WDR88: variants seen among roughly 807,000 people sequenced by gnomAD.
WDR88 encodes the protein WD repeat domain 88.
A neutral mutation model predicts 46.8 loss-of-function variants in WDR88; 40 were observed. That is an observed-to-expected ratio of 0.86 (90% CI 0.66 to 1.11). The LOEUF (loss-of-function observed/expected upper bound fraction) is 1.11, where lower values mean the gene tolerates loss of function less well. Ranked by LOEUF, WDR88 falls within the 50% of genes most tolerant of loss-of-function variation. WDR88 has a pLI of 0.00. For synonymous variants in WDR88, 235 were observed against 240.7 expected (o/e 0.98, Z 0.22); for missense variants, 562 against 602.4 (o/e 0.93, Z 0.70).
chr19:33,132,922 G>A (rs1487871656), intron 1 of WDR88, among the ~76,000 whole-genome samples: 1 of 152,130 alleles, frequency 6.6e-6, no homozygotes, highest in Non-Finnish European at 1.5e-5. Context: ...CCCTTTGGGA[G>A]GCCCAGGTGG....
In WDR88 at chr19:33,157,180, G is replaced by C. The variant is rs143193839; in HGVS notation, c.997+638G>C. On this transcript the variant is annotated intron_variant, in intron 7 of 10. Coordinates refer to ENST00000355868, the MANE Select transcript of WDR88 (RefSeq NM_173479.4). ...CTACTGCACTCCAGCCTGGGCAACAGAGTGAGACCCTGTGTCTAAAAAGAA... is the reference window on the plus strand; with the variant it reads ...CTACTGCACTCCAGCCTGGGCAACACAGTGAGACCCTGTGTCTAAAAAGAA... Among the ~76,000 whole-genome samples the C allele has an allele frequency of 4.7e-3, 715 of 151,412 alleles. 9 individuals are homozygous for C. The highest frequency in any genetic ancestry group is 0.016 in the African/African-American group (669 of 41,276).
intron 6 of WDR88, among the ~76,000 whole-genome samples, chr19:33,154,038 G>A (rs1346741832): frequency 6.6e-6 from 1 of 152,018 alleles, no homozygotes. Context: ...TACTTTTAAA[G>A]TTGACTCCAT....
At chr19:33,134,635 C>T (rs189370669) in intron 1 of WDR88, among the ~76,000 whole-genome samples, 1 of 152,038 alleles carries the variant, frequency 6.6e-6, no homozygotes, top group South Asian at 2.1e-4. Flanking sequence ...GGGACTGGGG[C>T]CGCTCCTGGG....
At chr19:33,133,969 C>T (rs1329318760) in intron 1 of WDR88, among the ~76,000 whole-genome samples, 4 of 152,252 alleles carry the variant, frequency 2.6e-5, no homozygotes, top group South Asian at 2.1e-4. Context: ...GGACTTTGCT[C>T]CTAGGTGGCT....
At chr19:33,140,302 G>A (rs1393557233) in intron 2 of WDR88, among the ~76,000 whole-genome samples, 1 of 152,068 alleles carries the variant, frequency 6.6e-6, no homozygotes, top group Non-Finnish European at 1.5e-5. Flanking sequence ...CTGCAGGAGT[G>A]CACCACCACA....
chr19:33,174,173 G>T, intron 10 of WDR88: 1 of 1,536,040 alleles, frequency 6.5e-7, no homozygotes, highest in Non-Finnish European at 8.7e-7. Flanking sequence ...TCTATTTCTT[G>T]CAAAAAAGGA....
At chr19:33,163,678 C>A (rs1396862454) in intron 8 of WDR88, among the ~76,000 whole-genome samples, 1 of 150,064 alleles carries the variant, frequency 6.7e-6, no homozygotes, top group Non-Finnish European at 1.5e-5. Context: ...CACTCTGTTG[C>A]CCAGGCTGGA....
intron 1 of WDR88, 118 bp downstream of exon 1, chr19:33,132,563 G>A (rs1973151001): frequency 7.0e-7 from 1 of 1,420,204 alleles, no homozygotes; most frequent in African/African-American, 1.4e-5. Context: ...CCCCCAGCGA[G>A]GCCCTAGGCC....
intron 1 of WDR88, among the ~76,000 whole-genome samples, chr19:33,133,947 C>T (rs770436564): frequency 6.6e-6 from 1 of 152,228 alleles, no homozygotes; most frequent in Non-Finnish European, 1.5e-5. Flanking sequence ...GCAACTGGCC[C>T]CTCGAGGTTA....
At chr19:33,147,769 G>A (rs992252818) in intron 4 of WDR88, 61 bp downstream of exon 4, 1 of 1,539,010 alleles carries the variant, frequency 6.5e-7, no homozygotes, top group Non-Finnish European at 8.9e-7. Flanking sequence ...CAAGCCTCAG[G>A]CAGCTTTGGG....
At chr19:33,160,946 C>T (rs921238154) in intron 8 of WDR88, among the ~76,000 whole-genome samples, 1 of 151,808 alleles carries the variant, frequency 6.6e-6, no homozygotes. Context: ...CTGAGGTGGG[C>T]GGATCACCTG....
At chr19:33,139,424 G>A (rs1316737549) in intron 2 of WDR88, among the ~76,000 whole-genome samples, 1 of 152,192 alleles carries the variant, frequency 6.6e-6, no homozygotes, top group Non-Finnish European at 1.5e-5. Flanking sequence ...GGGAGAGGAC[G>A]GTCAGTTGTG....
chr19:33,147,524 AC>A, intron 3 of WDR88, 120 bp from the exon 4 acceptor site: 1 of 878,176 alleles, frequency 1.1e-6, no homozygotes, highest in Non-Finnish European at 1.7e-6. Flanking sequence ...GGTCGTTTGA[AC>A]CTGGGAGGTG....
chr19:33,150,386 T>G (rs1008850203), intron 5 of WDR88, among the ~76,000 whole-genome samples: 1 of 152,098 alleles, frequency 6.6e-6, no homozygotes, highest in African/African-American at 2.4e-5. Flanking sequence ...GAGGTGGAGG[T>G]TGCAGTGAGC....
chr19:33,146,036 GAGGAA>G (rs1315390217), intron 3 of WDR88, among the ~76,000 whole-genome samples: 1 of 152,092 alleles, frequency 6.6e-6, no homozygotes, highest in Non-Finnish European at 1.5e-5. Flanking sequence ...CCCTTTAGGA[GAGGAA>G]AACAGCTGGG....
intron 10 of WDR88, 105 bp from the exon 11 acceptor site, chr19:33,175,291 C>G: frequency 8.2e-7 from 1 of 1,213,942 alleles, no homozygotes; most frequent in South Asian, 1.4e-5. Context: ...AGAGGGGAAC[C>G]CTTGCCTTGC....
chr19:33,147,652 G>A lies in WDR88; in HGVS notation c.484G>A (p.Ala162Thr). The A allele has an allele frequency of 6.2e-7, 1 of 1,613,816 alleles. No homozygotes were observed. ...SITGDSSRVI[A>T]ASYDKTVRAW... ...TCGTCATCTTATTTCCAGAGTCATT[G>A]CCGCATCCTATGATAAGACAGTGAG... is the stretch of plus-strand genomic sequence containing the variant. Residue 162 changes from alanine to threonine, a missense_variant, in exon 4 of 11, where the codon GCC (alanine) becomes ACC (threonine). Physicochemically the swap from Ala to Thr is moderately conservative, Grantham distance 58. Transcript: ENST00000355868.
chr19:33,148,057 T>A (rs1253967368), intron 4 of WDR88, among the ~76,000 whole-genome samples: 5 of 151,772 alleles, frequency 3.3e-5, no homozygotes, highest in African/African-American at 1.2e-4. Flanking sequence ...CCCGGTAAGA[T>A]GTTTGGATTT....
rs780794819 is a variant in WDR88 at position 33,164,231 on chromosome 19, GCAA to G, written c.1122_1124del (p.Asn374del). On this transcript the variant is annotated inframe_deletion, in exon 9 of 11. Transcript: ENST00000355868. Reference sequence around the variant, plus strand: ...GACTGGGTGATGGATGTTGCCATTAGCAACAACAAGAAATGGATCCTGTCTGCT... The same window carrying G: ...GACTGGGTGATGGATGTTGCCATTAGCAACAAGAAATGGATCCTGTCTGCT... 9.9e-6 allele frequency: 16 copies of G among 1,614,130 alleles called. No individual in the cohort carries two copies. The highest frequency in any genetic ancestry group is 3.3e-4 in the Middle Eastern group (2 of 6,060).
Sources: gnomAD v4.1 joint callset for allele counts (sites outside exome capture counted in the v4.1 genomes callset) on GRCh38, gnomAD v4.1.1 for gene constraint, MANE v1.5 for transcripts, NCBI Gene and HGNC (gene_info 2026-07-23, HGNC 2026-07-21) for gene names.